The following FRMPD1 variants were observed in gnomAD, a reference collection of about 807,000 sequenced individuals.
FRMPD1 encodes FERM and PDZ domain containing 1, also known as FERM and PDZ domain-containing protein 1.
In FRMPD1, 76 loss-of-function variants were observed where a neutral mutation model predicts 117.8. The ratio of observed to expected loss-of-function variants is 0.65; its 90% confidence interval spans 0.54 to 0.78. FRMPD1 has a LOEUF of 0.78. Ranked by LOEUF, FRMPD1 falls within the 30% of genes least tolerant of loss-of-function variation. FRMPD1 has a pLI of 0.00. For synonymous variants in FRMPD1, 783 were observed against 770.4 expected (o/e 1.02, Z -0.27); for missense variants, 1,786 against 1,964.5 (o/e 0.91, Z 1.72).
At chr9:37,674,689 C>T (rs1821465520) in intron 1 of FRMPD1, among the ~76,000 whole-genome samples, 1 of 152,230 alleles carries the variant, frequency 6.6e-6, no homozygotes, top group Non-Finnish European at 1.5e-5. Context: ...GCGAAAGGCA[C>T]TTCTTACCTG....
the FRMPD1 span, among the ~76,000 whole-genome samples, chr9:37,637,963 G>GCTTCTTTTCTTT: frequency 1.9e-4 from 19 of 100,130 alleles, 3 homozygotes; most frequent in African/African-American, 6.5e-4. Flanking sequence ...AATGGTGTAT[G>GCTTCTTTTCTTT]CTTTCTTTCT....
chr9:37,729,351 C>G (rs999634282), intron 7 of FRMPD1, among the ~76,000 whole-genome samples: 4 of 140,710 alleles, frequency 2.8e-5, no homozygotes, highest in Non-Finnish European at 4.5e-5. Flanking sequence ...CCACTGCACT[C>G]CAGCCTGGGT....
At chr9:37,711,226 C>A in intron 4 of FRMPD1, 124 bp from the exon 5 acceptor site, 1 of 685,974 alleles carries the variant, frequency 1.5e-6, no homozygotes, top group South Asian at 1.7e-5. Context: ...GCAAAGGAGG[C>A]TGCTTTATAC....
chr9:37,741,430 C>T (rs1824412203), intron 15 of FRMPD1, among the ~76,000 whole-genome samples: 1 of 145,354 alleles, frequency 6.9e-6, no homozygotes, highest in Non-Finnish European at 1.5e-5. Context: ...TCTTTCCAAG[C>T]AGAACTGAGA....
the FRMPD1 span, among the ~76,000 whole-genome samples, chr9:37,633,151 T>C: frequency 6.6e-6 from 1 of 152,062 alleles, no homozygotes; most frequent in Non-Finnish European, 1.5e-5. Flanking sequence ...GCGATTCTCC[T>C]GCCTCAGCCT....
chr9:37,629,529 T>C, the FRMPD1 span, among the ~76,000 whole-genome samples: 1 of 152,198 alleles, frequency 6.6e-6, no homozygotes, highest in Non-Finnish European at 1.5e-5. Flanking sequence ...GCCAATTGCA[T>C]GCTCAGGGCA....
chr9:37,643,777 C>G, the FRMPD1 span, among the ~76,000 whole-genome samples: 1 of 152,004 alleles, frequency 6.6e-6, no homozygotes, highest in Non-Finnish European at 1.5e-5. Flanking sequence ...AATAGTTCAG[C>G]GATCATGAAA....
In FRMPD1 at chr9:37,724,323, A is replaced by G. The variant is rs774896122; in HGVS notation, c.612+3A>G. 1.2e-5 allele frequency: 18 copies of G among 1,482,728 alleles called. No individual in the cohort carries two copies. The highest frequency in any genetic ancestry group is 1.6e-5 in the Non-Finnish European group (17 of 1,060,298). 91.8% of individuals were successfully genotyped at this position (1,482,728 alleles called of 1,614,324 possible). On this transcript the variant is annotated splice_donor_region_variant and intron_variant, in intron 7 of 15. Coordinates refer to ENST00000377765, the MANE Select transcript of FRMPD1 (RefSeq NM_014907.3). Reference sequence around the variant, plus strand: ...TTGAGGCAAACACAACCGTGAAGGTATTAAGAATAAACTTGAACTTCTTTT... The same window carrying G: ...TTGAGGCAAACACAACCGTGAAGGTGTTAAGAATAAACTTGAACTTCTTTT...
At chr9:37,633,596 C>T in the FRMPD1 span, among the ~76,000 whole-genome samples, 16 of 152,310 alleles carry the variant, frequency 1.1e-4, no homozygotes, top group African/African-American at 2.4e-4. Context: ...CAGTGGCTCA[C>T]GCCTAGTATT....
intron 2 of FRMPD1, among the ~76,000 whole-genome samples, chr9:37,707,066 G>T (rs1028888182): frequency 9.2e-5 from 14 of 152,170 alleles, no homozygotes; most frequent in Non-Finnish European, 2.1e-4. Flanking sequence ...ACATGTCTCA[G>T]AGTGCAGCTC....
At chr9:37,683,989 A>G (rs1821831774) in intron 1 of FRMPD1, among the ~76,000 whole-genome samples, 1 of 149,744 alleles carries the variant, frequency 6.7e-6, no homozygotes, top group Admixed American at 6.6e-5. Context: ...TTTGCGGGGA[A>G]CAACAGGTAA....
chr9:37,740,202 G>A lies in FRMPD1; in HGVS notation c.1674G>A (p.Gln558=). The A allele has an allele frequency of 6.2e-7, 1 of 1,613,836 alleles. No individual in the cohort carries two copies. The highest frequency in any genetic ancestry group is 8.5e-7 in the Non-Finnish European group (1 of 1,179,784). The part of the protein sequence containing the change: ...APCRSLIKEE[Q]PPGNSPTPEV... ...GCAGATCACTCATAAAGGAGGAGCAGCCTCCTGGGAACAGCCCCACACCTG... is the reference window on the plus strand; with the variant it reads ...GCAGATCACTCATAAAGGAGGAGCAACCTCCTGGGAACAGCCCCACACCTG... The change falls in exon 15 of 16, where the codon CAG becomes CAA. Residue 558 remains glutamine, a synonymous_variant. Coordinates refer to ENST00000377765, the MANE Select transcript of FRMPD1 (RefSeq NM_014907.3). This position sits in a 1 kb window ranked among gnomAD's most constrained non-coding sequence, Gnocchi z 4.2.
At chr9:37,694,795 ATATAT>A (rs1477967067) in intron 2 of FRMPD1, among the ~76,000 whole-genome samples, 1 of 152,148 alleles carries the variant, frequency 6.6e-6, no homozygotes, top group Non-Finnish European at 1.5e-5. Context: ...GCTTAGCATA[ATATAT>A]TATTTTACTT....
At chr9:37,653,027 G>T (rs1159944288) in intron 1 of FRMPD1, among the ~76,000 whole-genome samples, 1 of 152,170 alleles carries the variant, frequency 6.6e-6, no homozygotes, top group African/African-American at 2.4e-5. Flanking sequence ...GAACTGGTGA[G>T]AGCTGGGAGA....
Position 37,672,281 on chromosome 9 carries a change from C to T in FRMPD1, c.-4-20357C>T, listed in dbSNP as rs561417917. On this transcript the variant is annotated intron_variant, in intron 1 of 15. Coordinates refer to ENST00000377765, the MANE Select transcript of FRMPD1 (RefSeq NM_014907.3). ...AGGAAGGGTGTACCTGGCAATGAAA[C>T]AGCACATGCAGAGGCTCCGTGCCAT... Among the ~76,000 whole-genome samples the T allele has an allele frequency of 2.6e-5, 4 of 152,238 alleles. No homozygotes were observed. The South Asian group carries it at 8.3e-4, about 32-fold the overall frequency.
intron 2 of FRMPD1, among the ~76,000 whole-genome samples, chr9:37,699,901 A>ATG (rs368809195): frequency 6.7e-6 from 1 of 148,376 alleles, no homozygotes; most frequent in Non-Finnish European, 1.5e-5. Flanking sequence ...GTATGCATGC[A>ATG]CGCACACACA....
At chr9:37,669,862 G>T (rs10973478) in intron 1 of FRMPD1, 15,826 of 151,946 alleles carry the variant, frequency 0.1, 1,252 homozygotes, top group African/African-American at 0.22. Context: ...GCATGGTGGC[G>T]CATGCCTGTA....
chr9:37,666,800 A>C (rs1821173537), intron 1 of FRMPD1, among the ~76,000 whole-genome samples: 1 of 152,208 alleles, frequency 6.6e-6, no homozygotes, highest in Non-Finnish European at 1.5e-5. Flanking sequence ...GCATAAAGGA[A>C]TGAAACGGGC....
the FRMPD1 span, among the ~76,000 whole-genome samples, chr9:37,625,950 C>A: frequency 6.6e-6 from 1 of 152,228 alleles, no homozygotes. Context: ...GGGCCGGGAG[C>A]GGCGGCTCAC....
Sources: allele counts gnomAD v4.1 joint callset (sites outside exome capture counted in the v4.1 genomes callset), GRCh38; gene constraint gnomAD v4.1.1; non-coding constraint Gnocchi (gnomAD v3.1); transcripts MANE v1.5; gene names NCBI Gene and HGNC (gene_info 2026-07-23, HGNC 2026-07-21).